Variants in HDAC9 observed in about 807,000 individuals in gnomAD.
The protein encoded by HDAC9 is histone deacetylase 9, also known as MEF-2 interacting transcription repressor (MITR) protein.
In HDAC9, 41 loss-of-function variants were observed where a neutral mutation model predicts 139.4. The observed-to-expected ratio is 0.29, with a 90% CI of 0.23 to 0.38. The LOEUF is 0.38. Ranked by LOEUF, HDAC9 falls within the 10% of genes least tolerant of loss-of-function variation. The pLI is 1.00. For missense variants in HDAC9, 1,147 were observed against 1,297.0 expected (o/e 0.88, Z 1.78); for synonymous variants, 517 against 476.2 (o/e 1.09, Z -1.12).
intron 2 of HDAC9, among the ~76,000 whole-genome samples, chr7:18,165,171 A>ACTTAT (rs1280414166): frequency 2.8e-4 from 43 of 152,308 alleles, no homozygotes; most frequent in African/African-American, 1.0e-3. Flanking sequence ...GGATTTTAGG[A>ACTTAT]CTTATCTAGC....
At chr7:18,921,897 C>G (rs973345815) in intron 22 of HDAC9, among the ~76,000 whole-genome samples, 2 of 152,000 alleles carry the variant, frequency 1.3e-5, no homozygotes, top group African/African-American at 4.8e-5. Context: ...ACTATGCAGC[C>G]ATAACAAAGG....
chr7:18,484,800 C>CT (rs1200454986), intron 1 of HDAC9, among the ~76,000 whole-genome samples: 5 of 150,816 alleles, frequency 3.3e-5, no homozygotes, highest in African/African-American at 1.2e-4. Context: ...CTTTAGTAAA[C>CT]TATGATTATG....
intron 1 of HDAC9, among the ~76,000 whole-genome samples, chr7:18,443,911 A>G (rs1041865850): frequency 1.3e-5 from 2 of 151,644 alleles, no homozygotes; most frequent in African/African-American, 4.9e-5. Context: ...GTATAAACAT[A>G]CATTTGTATT....
intron 21 of HDAC9, among the ~76,000 whole-genome samples, chr7:18,867,012 T>A (rs1187540781): frequency 6.6e-6 from 1 of 152,242 alleles, no homozygotes; most frequent in African/African-American, 2.4e-5. Flanking sequence ...AAAGTGGAAT[T>A]CTTTTCTGCT....
At chr7:18,305,096 A>G (rs1176452780) in intron 1 of HDAC9, among the ~76,000 whole-genome samples, 1 of 152,100 alleles carries the variant, frequency 6.6e-6, no homozygotes, top group African/African-American at 2.4e-5. Context: ...CTGACCCACC[A>G]ATCTGGGTAG....
intron 1 of HDAC9, among the ~76,000 whole-genome samples, chr7:18,113,121 A>T (rs1320922302): frequency 6.6e-6 from 1 of 152,214 alleles, no homozygotes; most frequent in Non-Finnish European, 1.5e-5. Flanking sequence ...TGATAAACAT[A>T]AGATGTGATA....
chr7:18,351,896 A>C (rs1782874902), intron 1 of HDAC9, among the ~76,000 whole-genome samples: 1 of 152,204 alleles, frequency 6.6e-6, no homozygotes, highest in South Asian at 2.1e-4. Flanking sequence ...AATCTCAAAA[A>C]ATTTGAATTG....
At chr7:18,108,712 C>T (rs751136791) in intron 1 of HDAC9, among the ~76,000 whole-genome samples, 1 of 151,248 alleles carries the variant, frequency 6.6e-6, no homozygotes, top group Admixed American at 6.6e-5. Flanking sequence ...CCTCCTGCCT[C>T]CCAGATTCAA....
chr7:18,293,549 T>C (rs978009204), intron 1 of HDAC9, among the ~76,000 whole-genome samples: 3 of 152,192 alleles, frequency 2.0e-5, no homozygotes, highest in East Asian at 1.9e-4. Flanking sequence ...TCTTTAGTAC[T>C]GGCCACTGCA....
At chr7:18,917,254 C>G (rs985388639) in intron 22 of HDAC9, among the ~76,000 whole-genome samples, 2 of 152,026 alleles carry the variant, frequency 1.3e-5, no homozygotes, top group South Asian at 2.1e-4. Flanking sequence ...AGGGAGAACT[C>G]AGGATCAAGC....
At position 18,652,070 on chromosome 7, in the gene HDAC9, T is replaced by C. The variant is rs193004051; in HGVS notation, c.1467+3387T>C. Among the ~76,000 whole-genome samples, 813 of 152,284 alleles carry C rather than the reference T, an allele frequency of 5.3e-3. 6 individuals carry two copies. The highest frequency in any genetic ancestry group is 0.02 in the Middle Eastern group (6 of 294). ...TGATCTTTTGTTTTCTGAGACATTT[T>C]ACAAATCAGAAATGCATTAAACAGG... On this transcript the variant is annotated intron_variant, in intron 11 of 25. Coordinates refer to ENST00000686413, the MANE Select transcript of HDAC9 (RefSeq NM_178425.4).
chr7:18,638,605 T>A (rs550450811), intron 8 of HDAC9, among the ~76,000 whole-genome samples: 2 of 152,104 alleles, frequency 1.3e-5, no homozygotes, highest in South Asian at 4.1e-4. Context: ...AAGGAATCAG[T>A]GTTTGGAAGG....
chr7:18,093,494 A>G (rs569722089), intron 1 of HDAC9, among the ~76,000 whole-genome samples: 31 of 152,312 alleles, frequency 2.0e-4, no homozygotes, highest in African/African-American at 5.8e-4. Flanking sequence ...GTGCTGTATC[A>G]TGCCTTCTTT....
intron 1 of HDAC9, among the ~76,000 whole-genome samples, chr7:18,439,393 A>T (rs1290157850): frequency 6.6e-6 from 1 of 152,242 alleles, no homozygotes; most frequent in African/African-American, 2.4e-5. Flanking sequence ...GTTTAAATCA[A>T]GACAACAAAT....
intron 1 of HDAC9, among the ~76,000 whole-genome samples, chr7:18,148,591 G>T (rs923727913): frequency 6.6e-6 from 1 of 152,066 alleles, no homozygotes; most frequent in African/African-American, 2.4e-5. Flanking sequence ...TGAGTAGCTG[G>T]GATTACAGGC....
At chr7:18,500,661 C>T (rs1165226538) in intron 2 of HDAC9, among the ~76,000 whole-genome samples, 2 of 152,048 alleles carry the variant, frequency 1.3e-5, no homozygotes, top group African/African-American at 4.8e-5. Context: ...GAAATGAAGG[C>T]TTCAGAGCAG....
At chr7:18,131,207 C>G (rs1292077816) in intron 1 of HDAC9, among the ~76,000 whole-genome samples, 2 of 152,160 alleles carry the variant, frequency 1.3e-5, no homozygotes, top group African/African-American at 2.4e-5. Flanking sequence ...GTAAAGAACA[C>G]ATACGTACCC....
chr7:18,829,653 T>G (rs1265626839), intron 19 of HDAC9, 105 bp downstream of exon 19: 2 of 686,512 alleles, frequency 2.9e-6, no homozygotes, highest in African/African-American at 1.8e-5. Context: ...TGCAAACAAC[T>G]GAAGGGTGTG....
chr7:18,640,027 A>G (rs926681144), intron 8 of HDAC9, among the ~76,000 whole-genome samples: 1 of 152,000 alleles, frequency 6.6e-6, no homozygotes, highest in Non-Finnish European at 1.5e-5. Context: ...TCTGATTCTC[A>G]TGCATATTGT....
Sources: gnomAD v4.1 joint callset for allele counts (sites outside exome capture counted in the v4.1 genomes callset) on GRCh38, gnomAD v4.1.1 for gene constraint, MANE v1.5 for transcripts, NCBI Gene and HGNC (gene_info 2026-07-23, HGNC 2026-07-21) for gene names.